The following OPCML variants were observed in gnomAD, a reference collection of about 807,000 sequenced individuals.
The protein encoded by OPCML is opioid binding protein/cell adhesion molecule like.
In OPCML, 13 loss-of-function variants were observed where a neutral mutation model predicts 37.8. The observed-to-expected ratio is 0.34, with a 90% CI of 0.22 to 0.55. OPCML has a LOEUF of 0.55. Among genes scored for constraint, OPCML ranks in the 20% least tolerant of loss-of-function variants. OPCML has a pLI of 0.91. For missense variants in OPCML, 341 were observed against 435.6 expected (o/e 0.78, Z 1.93); for synonymous variants, 176 against 168.8 (o/e 1.04, Z -0.33).
chr11:133,411,612 T>C (rs1201648670), intron 1 of OPCML, among the ~76,000 whole-genome samples: 1 of 152,182 alleles, frequency 6.6e-6, no homozygotes, highest in Non-Finnish European at 1.5e-5. Context: ...CTTTCTCAGC[T>C]GCAGCTTCAA....
At chr11:132,879,277 A>G (rs1176349549) in intron 2 of OPCML, among the ~76,000 whole-genome samples, 1 of 152,256 alleles carries the variant, frequency 6.6e-6, no homozygotes, top group Non-Finnish European at 1.5e-5. Flanking sequence ...TATGAAAATC[A>G]TACAGCTGAT....
chr11:132,955,966 TG>T (rs1396930706), intron 1 of OPCML, among the ~76,000 whole-genome samples: 1 of 152,216 alleles, frequency 6.6e-6, no homozygotes, highest in African/African-American at 2.4e-5. Flanking sequence ...GAATAATTCC[TG>T]GCATATAGTA....
At chr11:132,952,071 G>A (rs1269777101) in intron 1 of OPCML, among the ~76,000 whole-genome samples, 1 of 152,312 alleles carries the variant, frequency 6.6e-6, no homozygotes, top group South Asian at 2.1e-4. Context: ...GTACCCAGCT[G>A]TTCCATGTGT....
intron 1 of OPCML, among the ~76,000 whole-genome samples, chr11:133,424,557 C>G (rs1945961232): frequency 1.3e-5 from 2 of 152,090 alleles, no homozygotes; most frequent in South Asian, 4.1e-4. Flanking sequence ...ACAATTTGTC[C>G]TAGTTACACA....
chr11:132,803,316 TTC>T (rs1479986146), intron 2 of OPCML, among the ~76,000 whole-genome samples: 1 of 152,204 alleles, frequency 6.6e-6, no homozygotes, highest in Non-Finnish European at 1.5e-5. Context: ...CAAATGGCCA[TTC>T]TAGCATATAT....
chr11:132,438,880 T>C (rs1233018255), intron 4 of OPCML, among the ~76,000 whole-genome samples: 2 of 152,048 alleles, frequency 1.3e-5, no homozygotes, highest in Non-Finnish European at 2.9e-5. Context: ...CACCTACCCA[T>C]TTCCCCAGAC....
At chr11:132,836,433 T>C (rs1941004823) in intron 2 of OPCML, among the ~76,000 whole-genome samples, 1 of 152,188 alleles carries the variant, frequency 6.6e-6, no homozygotes. Context: ...ATAACTGTCT[T>C]AAGGCTCTGA....
At position 133,005,459 on chromosome 11, in the gene OPCML, G is replaced by C. The variant is rs552576926; in HGVS notation, c.62-62449C>G. On this transcript the variant is annotated intron_variant, in intron 1 of 7. Transcript: ENST00000524381. Reference sequence around the variant, plus strand: ...TACCCCTGCTACTCCACAGCTCTTAGGTACTAGTTTTTCTCTGTAGGGAGG... The same window carrying C: ...TACCCCTGCTACTCCACAGCTCTTACGTACTAGTTTTTCTCTGTAGGGAGG... 29 of 985,326 alleles carry C rather than the reference G, an allele frequency of 2.9e-5. No individual in the cohort carries two copies. The African/African-American group carries it at 4.9e-4, about 17-fold the overall frequency. 61.0% of individuals were successfully genotyped at this position (985,326 alleles called of 1,614,324 possible).
chr11:133,140,708 G>GGAAGAC lies in OPCML; in HGVS notation c.62-197704_62-197699dup, dbSNP rs370032127. On this transcript the variant is annotated intron_variant, in intron 1 of 7. Coordinates refer to ENST00000524381, the MANE Select transcript of OPCML (RefSeq NM_001012393.5). ...AAGATGGAAGACGGAAGAAGAAGAC[G>GGAAGAC]GAAGACGAAGACGGAAGACGACGAC... Among the ~76,000 whole-genome samples the GGAAGAC allele has an allele frequency of 6.7e-5, 2 of 29,780 alleles. 1 individual carries two copies. The highest frequency in any genetic ancestry group is 1.4e-4 in the African/African-American group (2 of 13,970). The allele number at this position is 29,780 out of a possible 152,430, so 19.5% of individuals were successfully genotyped here.
intron 4 of OPCML, among the ~76,000 whole-genome samples, chr11:132,461,309 G>C (rs2096100826): frequency 6.6e-6 from 1 of 152,004 alleles, no homozygotes; most frequent in South Asian, 2.1e-4. Context: ...AGGCTGAGTT[G>C]ACCACCAATG....
At chr11:132,756,073 C>T (rs1474874490) in intron 2 of OPCML, among the ~76,000 whole-genome samples, 1 of 152,236 alleles carries the variant, frequency 6.6e-6, no homozygotes, top group Non-Finnish European at 1.5e-5. Flanking sequence ...CAGTCAGTTG[C>T]TGTGCTCCAA....
intron 2 of OPCML, among the ~76,000 whole-genome samples, chr11:132,840,074 T>C (rs1261210164): frequency 1.3e-5 from 2 of 151,628 alleles, no homozygotes; most frequent in Non-Finnish European, 2.9e-5. Flanking sequence ...AATAAAGAAA[T>C]GAGGACAGTG....
At chr11:133,148,528 G>T (rs1331643464) in intron 1 of OPCML, among the ~76,000 whole-genome samples, 2 of 152,222 alleles carry the variant, frequency 1.3e-5, no homozygotes, top group African/African-American at 2.4e-5. Flanking sequence ...TGTCCACTTT[G>T]CAGGAGACTG....
chr11:133,422,807 CT>C, intron 1 of OPCML: 1 of 898,172 alleles, frequency 1.1e-6, no homozygotes, highest in Non-Finnish European at 1.3e-6. Flanking sequence ...AAAAGAAACT[CT>C]TTTGGAATCA....
intron 7 of OPCML, among the ~76,000 whole-genome samples, chr11:132,426,016 G>C (rs577688806): frequency 6.6e-6 from 1 of 152,308 alleles, no homozygotes; most frequent in Non-Finnish European, 1.5e-5. Context: ...CATTATTCCA[G>C]CACCTCCTCC....
chr11:133,352,573 A>C (rs983661348), intron 1 of OPCML, among the ~76,000 whole-genome samples: 9 of 152,236 alleles, frequency 5.9e-5, no homozygotes, highest in Non-Finnish European at 1.3e-4. Flanking sequence ...AGAATCAGTA[A>C]GGATGTAAAT....
chr11:132,965,759 T>C (rs1946200362), intron 1 of OPCML, among the ~76,000 whole-genome samples: 1 of 152,098 alleles, frequency 6.6e-6, no homozygotes, highest in Admixed American at 6.6e-5. Flanking sequence ...TCTCCACCTC[T>C]GAACCTTGTG....
chr11:132,583,724 T>C (rs1222929146), intron 3 of OPCML, among the ~76,000 whole-genome samples: 1 of 152,048 alleles, frequency 6.6e-6, no homozygotes, highest in Non-Finnish European at 1.5e-5. Flanking sequence ...AGAGATTCTC[T>C]TGCCCCAGCC....
At chr11:133,093,134 C>A (rs1051927258) in intron 1 of OPCML, among the ~76,000 whole-genome samples, 1 of 151,880 alleles carries the variant, frequency 6.6e-6, no homozygotes, top group Admixed American at 6.6e-5. Flanking sequence ...TGAATAAGTT[C>A]TTTAGTGGTG....
Sources: allele counts gnomAD v4.1 joint callset (sites outside exome capture counted in the v4.1 genomes callset), GRCh38; gene constraint gnomAD v4.1.1; transcripts MANE v1.5; gene names NCBI Gene and HGNC (gene_info 2026-07-23, HGNC 2026-07-21).